Variants in SLC35F4 observed in about 807,000 individuals in gnomAD.
SLC35F4 encodes chromosome 14 open reading frame 36.
SLC35F4 carries 24 observed loss-of-function variants against 44.2 expected under a neutral mutation model. The ratio of observed to expected loss-of-function variants is 0.54; its 90% CI spans 0.39 to 0.76. SLC35F4 has a LOEUF of 0.76. Ranked by LOEUF, SLC35F4 falls within the 30% of genes least tolerant of loss-of-function variation. The pLI is 0.00. For missense variants in SLC35F4, 562 were observed against 586.1 expected, an observed-to-expected ratio of 0.96 and a Z score of 0.42; for synonymous variants, 238 against 223.6, an observed-to-expected ratio of 1.06 and a Z score of -0.57.
intron 1 of SLC35F4, among the ~76,000 whole-genome samples, chr14:57,605,401 T>G (rs570464268): frequency 7.9e-5 from 12 of 152,216 alleles, no homozygotes; most frequent in Non-Finnish European, 1.8e-4. Context: ...AAAACCACAG[T>G]GACATACCGT....
chr14:57,736,524 G>A (rs542374079), intron 1 of SLC35F4, among the ~76,000 whole-genome samples: 1 of 152,282 alleles, frequency 6.6e-6, no homozygotes, highest in African/African-American at 2.4e-5. Flanking sequence ...GCACCCCCAC[G>A]ATGTTGCAGT....
chr14:57,774,710 G>A (rs537602066), intron 1 of SLC35F4, among the ~76,000 whole-genome samples: 13 of 152,258 alleles, frequency 8.5e-5, no homozygotes, highest in South Asian at 2.1e-4. Context: ...GCACCTGACC[G>A]GAGCTCCAGC....
chr14:57,641,951 T>C (rs2073262264), intron 1 of SLC35F4, among the ~76,000 whole-genome samples: 1 of 152,074 alleles, frequency 6.6e-6, no homozygotes, highest in Non-Finnish European at 1.5e-5. Context: ...TTGAGTTACT[T>C]GGATGTACTA....
At chr14:57,808,068 G>C (rs530906351) in intron 1 of SLC35F4, among the ~76,000 whole-genome samples, 2 of 151,710 alleles carry the variant, frequency 1.3e-5, no homozygotes. Flanking sequence ...CTCCCACCAG[G>C]TCCCTCCCAT....
intron 1 of SLC35F4, among the ~76,000 whole-genome samples, chr14:57,734,148 C>T (rs935233324): frequency 6.6e-6 from 1 of 152,062 alleles, no homozygotes; most frequent in African/African-American, 2.4e-5. Flanking sequence ...GAGATATAGG[C>T]TGGAATTAAG....
intron 1 of SLC35F4, among the ~76,000 whole-genome samples, chr14:57,676,571 C>G (rs528094211): frequency 6.6e-6 from 1 of 152,084 alleles, no homozygotes; most frequent in African/African-American, 2.4e-5. Context: ...TATCCTGGAA[C>G]TTAAAATTAA....
At chr14:57,964,469 G>T (rs1328714137) in intron 1 of SLC35F4, among the ~76,000 whole-genome samples, 2 of 152,210 alleles carry the variant, frequency 1.3e-5, no homozygotes, top group African/African-American at 2.4e-5. Flanking sequence ...CTCTCAAAAT[G>T]CTTCAAAGTC....
intron 4 of SLC35F4, among the ~76,000 whole-genome samples, chr14:57,573,732 T>C (rs1180426309): frequency 6.6e-6 from 1 of 152,198 alleles, no homozygotes; most frequent in Non-Finnish European, 1.5e-5. Flanking sequence ...CATTAGATAT[T>C]GGCATATCCT....
intron 1 of SLC35F4, among the ~76,000 whole-genome samples, chr14:57,637,834 G>T (rs929228648): frequency 6.6e-6 from 1 of 152,060 alleles, no homozygotes; most frequent in African/African-American, 2.4e-5. Context: ...TGGCAAAAGG[G>T]ACCCCAAAGA....
At chr14:57,913,669 A>G (rs1338088794) in intron 1 of SLC35F4, among the ~76,000 whole-genome samples, 1 of 152,164 alleles carries the variant, frequency 6.6e-6, no homozygotes, top group Non-Finnish European at 1.5e-5. Flanking sequence ...ACACATAAGC[A>G]TACATAATCG....
At chr14:57,896,822 G>A (rs892667344) in intron 1 of SLC35F4, among the ~76,000 whole-genome samples, 1 of 152,134 alleles carries the variant, frequency 6.6e-6, no homozygotes, top group Non-Finnish European at 1.5e-5. Flanking sequence ...TAAAGAGGTT[G>A]ACAAGAGAAT....
intron 1 of SLC35F4, among the ~76,000 whole-genome samples, chr14:57,613,360 A>C (rs2071619982): frequency 1.3e-5 from 2 of 152,170 alleles, no homozygotes; most frequent in South Asian, 4.1e-4. Flanking sequence ...ATAAAGGAGA[A>C]GTCTTACTGA....
At chr14:57,823,431 C>T (rs183859748) in intron 1 of SLC35F4, among the ~76,000 whole-genome samples, 5 of 152,168 alleles carry the variant, frequency 3.3e-5, no homozygotes, top group African/African-American at 7.2e-5. Context: ...AAATCAAGTT[C>T]GTGAAATCAG....
chr14:57,742,923 C>G (rs945862221), intron 1 of SLC35F4, among the ~76,000 whole-genome samples: 14 of 152,310 alleles, frequency 9.2e-5, no homozygotes, highest in South Asian at 4.1e-4. Flanking sequence ...GAAACTCACT[C>G]AAAACCGTTC....
At chr14:57,676,213 A>G (rs2074687552) in intron 1 of SLC35F4, among the ~76,000 whole-genome samples, 1 of 152,086 alleles carries the variant, frequency 6.6e-6, no homozygotes. Flanking sequence ...TGAATAAGAA[A>G]ATATGGTACA....
Position 57,564,263 on chromosome 14 carries a change from T to A in SLC35F4, c.1330A>T (p.Thr444Ser). Residue 444 changes from threonine to serine, a missense_variant, in exon 8 of 8, where the codon ACC becomes TCC. By Grantham distance (58) the Thr-to-Ser change is moderately conservative. Coordinates refer to ENST00000556826, the MANE Select transcript of SLC35F4 (RefSeq NM_001306087.2). ...MLLPEEWDEI[T>S]LRFINSLKEK... The stretch of plus-strand genomic sequence containing the variant: ...TTCAGGCTGTTGATGAACCTCAGGG[T>A]GATTTCATCCCATTCCTCAGGCAAC... The A allele has an allele frequency of 6.2e-7, 1 of 1,613,248 alleles. No homozygotes were observed. The highest frequency in any genetic ancestry group is 8.5e-7 in the Non-Finnish European group (1 of 1,179,646).
chr14:57,771,501 G>A (rs2077361999), intron 1 of SLC35F4, among the ~76,000 whole-genome samples: 1 of 152,174 alleles, frequency 6.6e-6, no homozygotes, highest in African/African-American at 2.4e-5. Flanking sequence ...TTAAAACTTG[G>A]CTCTATACAC....
chr14:57,898,105 C>T (rs1950289), intron 1 of SLC35F4, among the ~76,000 whole-genome samples: 18,384 of 152,204 alleles, frequency 0.12, 1,359 homozygotes, highest in East Asian at 0.4. Flanking sequence ...AACAGAAACT[C>T]TGTAGCCACT....
intron 1 of SLC35F4, among the ~76,000 whole-genome samples, chr14:57,622,944 T>G (rs2072270037): frequency 6.6e-6 from 1 of 152,034 alleles, no homozygotes; most frequent in African/African-American, 2.4e-5. Flanking sequence ...TATGACAGGA[T>G]CGACTTCACA....
Sources: allele counts gnomAD v4.1 joint callset (sites outside exome capture counted in the v4.1 genomes callset), GRCh38; gene constraint gnomAD v4.1.1; transcripts MANE v1.5; gene names NCBI Gene and HGNC (gene_info 2026-07-23, HGNC 2026-07-21).